The following MLXIP variants were observed in gnomAD, a reference collection of about 807,000 sequenced individuals.
The protein encoded by MLXIP is MLX interacting protein.
MLXIP carries 30 observed loss-of-function variants against 87.2 expected under a neutral mutation model. That is an observed-to-expected ratio of 0.34 (90% CI 0.26 to 0.47). The LOEUF (loss-of-function observed/expected upper bound fraction) is 0.47, where lower values mean the gene tolerates loss of function less well. MLXIP is among the 20% of genes least tolerant of loss of function. The probability of loss-of-function intolerance (pLI) is 1.00; values close to 1 mark genes in which losing one functional copy is unlikely to be tolerated. For missense variants in MLXIP, 1,002 were observed against 1,240.1 expected (o/e 0.81, Z 2.88); for synonymous variants, 530 against 514.0 (o/e 1.03, Z -0.42).
intron 1 of MLXIP, among the ~76,000 whole-genome samples, chr12:122,123,817 A>G (rs1952824028): frequency 6.6e-6 from 1 of 152,112 alleles, no homozygotes; most frequent in African/African-American, 2.4e-5. Flanking sequence ...TTCCTGCCTC[A>G]GTCTCCCCAG....
At chr12:122,110,428 C>G (rs973332330) in intron 1 of MLXIP, among the ~76,000 whole-genome samples, 6 of 151,952 alleles carry the variant, frequency 3.9e-5, no homozygotes, top group Admixed American at 1.3e-4. Flanking sequence ...GCTGGGATTA[C>G]AGGTATGTGC....
At position 122,135,733 on chromosome 12, in the gene MLXIP, T is replaced by TG. The variant is rs1347164003; in HGVS notation, c.2032+73dup. 2 of 1,432,332 alleles carry TG rather than the reference T, an allele frequency of 1.4e-6. No homozygotes were observed. Among genetic ancestry groups the TG allele is most frequent in the African/African-American group, 1.4e-5 (1 of 69,344 alleles). The allele number at this position is 1,432,332 out of a possible 1,614,324, so 88.7% of individuals were successfully genotyped here. A position where few individuals can be genotyped will look rare whatever the true frequency, so the allele number is the denominator to read the frequency against. ...AAGTAACTGGGCCTGCCGTAGACCA[T>TG]GGGGGGTGCTTGCTGGGTCCCCAGG... On this transcript the variant is annotated intron_variant, in intron 11 of 16. Coordinates refer to ENST00000319080, the MANE Select transcript of MLXIP (RefSeq NM_014938.6). This position sits in a 1 kb window ranked among gnomAD's most constrained non-coding sequence, Gnocchi z 5.3.
At chr12:122,094,586 GGT>G (rs1593066520) in intron 1 of MLXIP, among the ~76,000 whole-genome samples, 1 of 143,138 alleles carries the variant, frequency 7.0e-6, no homozygotes, top group Non-Finnish European at 1.5e-5. Context: ...GTGGTGTGTT[GGT>G]GTGTGTGTTG....
At chr12:122,104,767 A>T (rs1268931134) in intron 1 of MLXIP, among the ~76,000 whole-genome samples, 1 of 151,374 alleles carries the variant, frequency 6.6e-6, no homozygotes, top group African/African-American at 2.4e-5. Flanking sequence ...TTTTTAGTGG[A>T]GATGGGGTTT....
intron 7 of MLXIP, 138 bp from the exon 8 acceptor site, chr12:122,132,154 C>T: frequency 1.6e-6 from 1 of 622,402 alleles, no homozygotes; most frequent in Non-Finnish European, 2.9e-6. Context: ...GATCTCTTGA[C>T]CTCATGATCT....
At position 122,146,783 on chromosome 12, in the gene MLXIP, T is replaced by C. The variant is rs1230333227; in HGVS notation, c.*4971T>C. ...GGTGTAGCTCATTTGAAGGACTCTCTTCTGCGTTTCCTAACAGTTATTTGG... is the reference window on the plus strand; with the variant it reads ...GGTGTAGCTCATTTGAAGGACTCTCCTCTGCGTTTCCTAACAGTTATTTGG... On this transcript the variant is annotated 3_prime_UTR_variant, in exon 17 of 17. Coordinates refer to ENST00000319080, the MANE Select transcript of MLXIP (RefSeq NM_014938.6). 2.6e-5 allele frequency: 4 copies of C among 152,254 alleles called. No individual in the cohort carries two copies. Among genetic ancestry groups the C allele is most frequent in the Non-Finnish European group, 5.9e-5 (4 of 68,050 alleles). 9.4% of individuals were successfully genotyped at this position (152,254 alleles called of 1,614,324 possible). A position where few individuals can be genotyped will look rare whatever the true frequency, so the allele number is the denominator to read the frequency against.
At chr12:122,092,405 GT>G (rs201261854) in intron 1 of MLXIP, among the ~76,000 whole-genome samples, 2 of 151,950 alleles carry the variant, frequency 1.3e-5, no homozygotes, top group Non-Finnish European at 2.9e-5. Flanking sequence ...AGTCAAGGTA[GT>G]TTTTTTTAGG....
intron 1 of MLXIP, among the ~76,000 whole-genome samples, chr12:122,116,088 A>ACAC (rs1565973946): frequency 1.4e-5 from 2 of 145,946 alleles, no homozygotes; most frequent in African/African-American, 2.5e-5. Context: ...ACACACACAC[A>ACAC]ACATTGACAT....
At chr12:122,098,719 T>C (rs971084532) in intron 1 of MLXIP, among the ~76,000 whole-genome samples, 1 of 152,220 alleles carries the variant, frequency 6.6e-6, no homozygotes, top group Non-Finnish European at 1.5e-5. Context: ...TTCAGCTGGC[T>C]CTTGGGCTGT....
chr12:122,093,950 G>C (rs1335584085), intron 1 of MLXIP, among the ~76,000 whole-genome samples: 12 of 140,846 alleles, frequency 8.5e-5, no homozygotes, highest in African/African-American at 2.7e-4. Context: ...GGGGTGTGTT[G>C]GTGTGTGTGT....
chr12:122,133,215 T>TG lies in MLXIP; in HGVS notation c.1093-131dup, dbSNP rs1953011198. 1 of 968,824 alleles carries TG rather than the reference T, an allele frequency of 1.0e-6. No individual in the cohort carries two copies. Among genetic ancestry groups the TG allele is most frequent in the African/African-American group, 1.6e-5 (1 of 61,018 alleles). The allele number at this position is 968,824 out of a possible 1,614,324, so 60.0% of individuals were successfully genotyped here. A position where few individuals can be genotyped will look rare whatever the true frequency, so the allele number is the denominator to read the frequency against. ...CAAATCCCTATCAGATCAGCAGCCA[T>TG]GGACGTGGAGACGTGGCCTTTGTCC... On this transcript the variant is annotated intron_variant, in intron 8 of 16. Coordinates refer to ENST00000319080, the MANE Select transcript of MLXIP (RefSeq NM_014938.6). This position sits in a 1 kb window ranked among gnomAD's most constrained non-coding sequence, Gnocchi z 4.9.
intron 1 of MLXIP, among the ~76,000 whole-genome samples, chr12:122,094,498 C>G (rs1196327133): frequency 8.1e-6 from 1 of 122,872 alleles, no homozygotes; most frequent in Non-Finnish European, 1.7e-5. Context: ...TTTGCAATGT[C>G]TGTGTGTGTG....
intron 1 of MLXIP, among the ~76,000 whole-genome samples, chr12:122,092,431 G>A (rs1210170984): frequency 2.0e-5 from 3 of 152,136 alleles, no homozygotes; most frequent in Non-Finnish European, 4.4e-5. Flanking sequence ...CTTACACTAC[G>A]TCTACCTTCT....
At chr12:122,119,343 A>T (rs943864397) in intron 1 of MLXIP, among the ~76,000 whole-genome samples, 1 of 152,156 alleles carries the variant, frequency 6.6e-6, no homozygotes, top group African/African-American at 2.4e-5. Flanking sequence ...GTGTTATTTT[A>T]AAAATTACCC....
At chr12:122,119,300 G>A (rs1283204662) in intron 1 of MLXIP, among the ~76,000 whole-genome samples, 1 of 152,194 alleles carries the variant, frequency 6.6e-6, no homozygotes, top group African/African-American at 2.4e-5. Flanking sequence ...AGTGCATCTT[G>A]TAGGTCTTCC....
chr12:122,083,383 C>G (rs1365567493), intron 1 of MLXIP, among the ~76,000 whole-genome samples: 1 of 151,490 alleles, frequency 6.6e-6, no homozygotes, highest in African/African-American at 2.4e-5. Flanking sequence ...AAAAAGTGGC[C>G]CCCTCCACGA....
At chr12:122,117,513 C>A (rs1952710786) in intron 1 of MLXIP, among the ~76,000 whole-genome samples, 1 of 152,192 alleles carries the variant, frequency 6.6e-6, no homozygotes, top group Non-Finnish European at 1.5e-5. Context: ...AGAGTCATTC[C>A]TCCACTCCCT....
rs1228469810 is a variant in MLXIP, at chr12:122,132,209, A to C, written c.1001-83A>C. On this transcript the variant is annotated intron_variant, in intron 7 of 16. Transcript: ENST00000319080. ...AGTGCTGGGATTACAGGCATGAGCC[A>C]CCGTGCCTGGCCCTGTTTGAGTCTT... The C allele has an allele frequency of 2.5e-5, 27 of 1,069,734 alleles. No homozygotes were observed. The Admixed American group carries it at 5.4e-4, about 21-fold the overall frequency. The allele number at this position is 1,069,734 out of a possible 1,614,324, so 66.3% of individuals were successfully genotyped here.
intron 2 of MLXIP, 144 bp from the exon 3 acceptor site, chr12:122,127,739 C>T: frequency 1.5e-6 from 1 of 688,206 alleles, no homozygotes. Flanking sequence ...TCCTTTATTT[C>T]CCTGAAATCT....
Sources: gnomAD v4.1 joint callset for allele counts (sites outside exome capture counted in the v4.1 genomes callset) on GRCh38, gnomAD v4.1.1 for gene constraint, Gnocchi (gnomAD v3.1) non-coding constraint, MANE v1.5 for transcripts, NCBI Gene and HGNC (gene_info 2026-07-23, HGNC 2026-07-21) for gene names.